The following STX12 variants were observed in gnomAD, a reference collection of about 807,000 sequenced individuals.
STX12 encodes syntaxin-12.
In STX12, 17 loss-of-function variants were observed where a neutral mutation model predicts 42.2. That is an observed-to-expected ratio of 0.40 (90% CI 0.28 to 0.60). STX12 has a LOEUF of 0.60. Among genes scored for constraint, STX12 ranks in the 20% least tolerant of loss-of-function variants. STX12 has a pLI of 0.39. For missense variants in STX12, 297 were observed against 330.9 expected (o/e 0.90, Z 0.79); for synonymous variants, 108 against 116.7 (o/e 0.93, Z 0.48).
Position 27,789,556 on chromosome 1 carries a change from C to A in STX12, c.119-6C>A. The A allele has an allele frequency of 6.2e-7, 1 of 1,611,434 alleles. No individual in the cohort carries two copies. The highest frequency in any genetic ancestry group is 8.5e-7 in the Non-Finnish European group (1 of 1,178,338). Reference sequence around the variant, plus strand: ...TAAATAAATCTTTTTCTTCCTATCTCCCCAGCTGCTCAGATAAAGAATTTG... The same window carrying A: ...TAAATAAATCTTTTTCTTCCTATCTACCCAGCTGCTCAGATAAAGAATTTG... On this transcript the variant is annotated splice_region_variant and splice_polypyrimidine_tract_variant and intron_variant, in intron 1 of 8. Coordinates refer to ENST00000373943, the MANE Select transcript of STX12 (RefSeq NM_177424.3).
At chr1:27,795,064 T>C (rs2088774577) in intron 3 of STX12, among the ~76,000 whole-genome samples, 3 of 152,138 alleles carry the variant, frequency 2.0e-5, no homozygotes, top group African/African-American at 7.2e-5. Flanking sequence ...AATGATAATG[T>C]CCTATATCTG....
Position 27,801,960 on chromosome 1 carries a change from CAT to C in STX12, c.426+150_426+151del, listed in dbSNP as rs933971505. The C allele has an allele frequency of 1.1e-5, 9 of 811,800 alleles. No individual in the cohort carries two copies. In the South Asian group the frequency reaches 1.3e-4, roughly 12 times the overall value. The allele number at this position is 811,800 out of a possible 1,614,324, so 50.3% of individuals were successfully genotyped here. ...AGGTTGGTGTAACCTATGTAAAAAA[CAT>C]ATATGCATGTGATCAAAGCCTAGAA... On this transcript the variant is annotated intron_variant, in intron 4 of 8. Coordinates refer to ENST00000373943, the MANE Select transcript of STX12 (RefSeq NM_177424.3).
chr1:27,790,241 C>T (rs1054747708), intron 2 of STX12, among the ~76,000 whole-genome samples: 1 of 152,136 alleles, frequency 6.6e-6, no homozygotes, highest in East Asian at 1.9e-4. Context: ...CGTGGACCTT[C>T]GTGGTGAGTG....
chr1:27,792,653 T>C (rs2088757429), intron 2 of STX12, among the ~76,000 whole-genome samples: 2 of 152,074 alleles, frequency 1.3e-5, no homozygotes, highest in Admixed American at 1.3e-4. Flanking sequence ...ACAACAACTT[T>C]ATTTCCATGA....
chr1:27,778,420 G>T (rs2088641942), intron 1 of STX12, among the ~76,000 whole-genome samples: 1 of 152,120 alleles, frequency 6.6e-6, no homozygotes, highest in Non-Finnish European at 1.5e-5. Context: ...ACTGGGCGAG[G>T]TGTCTCACGC....
chr1:27,777,661 C>T (rs931093338), intron 1 of STX12, among the ~76,000 whole-genome samples: 3 of 151,590 alleles, frequency 2.0e-5, no homozygotes, highest in South Asian at 4.2e-4. Flanking sequence ...CTGAGGCAGG[C>T]GGATCACAAG....
At chr1:27,777,895 A>G (rs910884559) in intron 1 of STX12, among the ~76,000 whole-genome samples, 2 of 152,106 alleles carry the variant, frequency 1.3e-5, no homozygotes, top group Non-Finnish European at 2.9e-5. Flanking sequence ...TCAAAAAAAA[A>G]AGAAAAAAGA....
intron 3 of STX12, among the ~76,000 whole-genome samples, chr1:27,796,502 C>G (rs1461761669): frequency 6.6e-6 from 1 of 152,114 alleles, no homozygotes; most frequent in Non-Finnish European, 1.5e-5. Context: ...AGTGATCCTC[C>G]CACCTTAGCT....
Position 27,819,794 on chromosome 1 carries a change from A to G in STX12, c.732+62A>G, listed in dbSNP as rs549183964. The G allele has an allele frequency of 1.6e-5, 23 of 1,409,302 alleles. No individual in the cohort carries two copies. The East Asian group carries it at 5.0e-4, about 31-fold the overall frequency. The allele number at this position is 1,409,302 out of a possible 1,614,324, so 87.3% of individuals were successfully genotyped here. The stretch of plus-strand genomic sequence containing the variant: ...CAGACTTTTTAGGCCATCAGAGTAC[A>G]TTGACATATTGAGAACAGCTACAGC... On this transcript the variant is annotated intron_variant, in intron 8 of 8. Transcript: ENST00000373943.
At chr1:27,796,932 C>T (rs1400372079) in intron 3 of STX12, among the ~76,000 whole-genome samples, 10 of 151,744 alleles carry the variant, frequency 6.6e-5, no homozygotes, top group East Asian at 5.8e-4. Flanking sequence ...CTTGAACTCC[C>T]GACCTCAGGT....
At chr1:27,778,319 AGT>A (rs2088641409) in intron 1 of STX12, among the ~76,000 whole-genome samples, 1 of 152,124 alleles carries the variant, frequency 6.6e-6, no homozygotes, top group Admixed American at 6.5e-5. Context: ...TGTGGAACAA[AGT>A]GTCTGGGCAA....
Position 27,822,412 on chromosome 1 carries a change from A to G in STX12, c.*83A>G. ...TTGCCAGAACAAACTGATCACAAGAAGACAGCATATATCAGAACGTCCTGT... is the reference window on the plus strand; with the variant it reads ...TTGCCAGAACAAACTGATCACAAGAGGACAGCATATATCAGAACGTCCTGT... On this transcript the variant is annotated 3_prime_UTR_variant, in exon 9 of 9. Coordinates refer to ENST00000373943, the MANE Select transcript of STX12 (RefSeq NM_177424.3). The G allele has an allele frequency of 1.1e-6, 1 of 873,614 alleles. No individual in the cohort carries two copies. Among genetic ancestry groups the G allele is most frequent in the Non-Finnish European group, 2.0e-6 (1 of 508,792 alleles). 54.1% of individuals were successfully genotyped at this position (873,614 alleles called of 1,614,324 possible).
chr1:27,787,188 A>G (rs140795814), intron 1 of STX12, among the ~76,000 whole-genome samples: 19 of 152,190 alleles, frequency 1.2e-4, no homozygotes, highest in African/African-American at 4.3e-4. Flanking sequence ...CTACCAGCCT[A>G]TATATACTTG....
chr1:27,793,217 G>A (rs1019779617), intron 2 of STX12, among the ~76,000 whole-genome samples: 3 of 152,196 alleles, frequency 2.0e-5, no homozygotes, highest in East Asian at 1.9e-4. Flanking sequence ...AGGTGTGGGC[G>A]GCAATTGTTC....
rs866453531 is a variant in STX12, at chr1:27,824,176, C to T, written c.*1847C>T. On this transcript the variant is annotated 3_prime_UTR_variant, in exon 9 of 9. Coordinates refer to ENST00000373943, the MANE Select transcript of STX12 (RefSeq NM_177424.3). Reference sequence around the variant, plus strand: ...GAGATAATTCCTTGGTTCTATGATCCCTGTTTAACTCCAAATTACAGTCGG... The same window carrying T: ...GAGATAATTCCTTGGTTCTATGATCTCTGTTTAACTCCAAATTACAGTCGG... 1 of 152,044 alleles carries T rather than the reference C, an allele frequency of 6.6e-6. No individual in the cohort carries two copies. Among genetic ancestry groups the T allele is most frequent in the East Asian group, 1.9e-4 (1 of 5,196 alleles). The allele number at this position is 152,044 out of a possible 1,614,324, so 9.4% of individuals were successfully genotyped here.
At position 27,773,350 on chromosome 1, in the gene STX12, T is replaced by C. The variant is rs747430059; in HGVS notation, c.43T>C (p.Ser15Pro). The stretch of plus-strand genomic sequence containing the variant: ...AGACATGTACCGGAACCCGGGGCCC[T>C]CGGGGCCCCAGCTCCGGGACTTCAG... The part of the protein sequence containing the change: ...PLDMYRNPGP[S>P]GPQLRDFSSI... Residue 15 changes from serine to proline, a missense_variant, in exon 1 of 9, where the codon TCG (serine) becomes CCG (proline). Transcript: ENST00000373943. 6.2e-7 allele frequency: 1 copy of C among 1,612,326 alleles called. No homozygotes were observed. Among genetic ancestry groups the C allele is most frequent in the Non-Finnish European group, 8.5e-7 (1 of 1,179,032 alleles).
rs1398047242 is a variant in STX12, at chr1:27,822,835, T to C, written c.*506T>C. On this transcript the variant is annotated 3_prime_UTR_variant, in exon 9 of 9. Coordinates refer to ENST00000373943, the MANE Select transcript of STX12 (RefSeq NM_177424.3). Reference sequence around the variant, plus strand: ...CCTATTCTCTATCTATTTTGAAAGATTTTGGCACTATATTTAATTGGAAGG... The same window carrying C: ...CCTATTCTCTATCTATTTTGAAAGACTTTGGCACTATATTTAATTGGAAGG... 6.5e-6 allele frequency: 1 copy of C among 152,964 alleles called. No individual in the cohort carries two copies. The highest frequency in any genetic ancestry group is 2.4e-5 in the African/African-American group (1 of 41,456). The allele number at this position is 152,964 out of a possible 1,614,324, so 9.5% of individuals were successfully genotyped here. A position where few individuals can be genotyped will look rare whatever the true frequency, so the allele number is the denominator to read the frequency against.
rs539394189 is a variant in STX12, at chr1:27,804,951, C to A, written c.426+3136C>A. On this transcript the variant is annotated intron_variant, in intron 4 of 8. Transcript: ENST00000373943. ...TGGGAGGCCTCAGGAAACTTACAGTCATGGTAGAAGACACCTCTTCACAGG... is the reference window on the plus strand; with the variant it reads ...TGGGAGGCCTCAGGAAACTTACAGTAATGGTAGAAGACACCTCTTCACAGG... Among the ~76,000 whole-genome samples the A allele has an allele frequency of 3.3e-5, 5 of 152,242 alleles. No individual in the cohort carries two copies. The East Asian group carries it at 7.7e-4, about 23-fold the overall frequency.
At chr1:27,813,495 G>A (rs2088918730) in intron 6 of STX12, among the ~76,000 whole-genome samples, 2 of 152,074 alleles carry the variant, frequency 1.3e-5, no homozygotes, top group Non-Finnish European at 2.9e-5. Context: ...TTAAACCTGA[G>A]TTTTCTCCAG....
Sources: allele counts gnomAD v4.1 joint callset (sites outside exome capture counted in the v4.1 genomes callset), GRCh38; gene constraint gnomAD v4.1.1; transcripts MANE v1.5; gene names NCBI Gene and HGNC (gene_info 2026-07-23, HGNC 2026-07-21).